DHRS12: variants seen among roughly 807,000 people sequenced by gnomAD.
The protein encoded by DHRS12 is dehydrogenase/reductase 12.
In DHRS12, 29 loss-of-function variants were observed where a neutral mutation model predicts 32.1. The ratio of observed to expected loss-of-function variants is 0.90; its 90% CI spans 0.67 to 1.23. The LOEUF is 1.23. Ranked by LOEUF, DHRS12 falls within the 50% of genes most tolerant of loss-of-function variation. The probability of loss-of-function intolerance (pLI) is 0.00; values close to 1 mark genes in which losing one functional copy is unlikely to be tolerated. For missense variants in DHRS12, 330 were observed against 337.2 expected (o/e 0.98, Z 0.17); for synonymous variants, 150 against 135.9 (o/e 1.10, Z -0.72).
At chr13:51,797,050 C>T (rs1955540045) in intron 2 of DHRS12, among the ~76,000 whole-genome samples, 1 of 152,142 alleles carries the variant, frequency 6.6e-6, no homozygotes, top group South Asian at 2.1e-4. Context: ...TGTGGGGTCT[C>T]CTAGAGAAGA....
At chr13:51,785,209 C>CA (rs767601384) in intron 4 of DHRS12, among the ~76,000 whole-genome samples, 99 of 152,204 alleles carry the variant, frequency 6.5e-4, no homozygotes, top group Non-Finnish European at 1.2e-3. Context: ...GCCTGGGTGA[C>CA]AGAGCGAGAC....
intron 1 of DHRS12, among the ~76,000 whole-genome samples, 178 bp from the exon 2 acceptor site, chr13:51,799,845 T>C (rs1004603797): frequency 1.3e-5 from 2 of 152,150 alleles, no homozygotes; most frequent in African/African-American, 4.8e-5. Flanking sequence ...TCTCGGGGCC[T>C]GCATTTCCTG....
intron 6 of DHRS12, chr13:51,773,146 T>C (rs1369340596): frequency 1.1e-6 from 1 of 876,446 alleles, no homozygotes; most frequent in Non-Finnish European, 1.4e-6. Context: ...GCATCCTTCA[T>C]CTGAAATGCT....
intron 7 of DHRS12, 59 bp from the exon 8 acceptor site, chr13:51,769,352 T>G: frequency 1.6e-6 from 2 of 1,282,214 alleles, no homozygotes; most frequent in East Asian, 2.9e-5. Flanking sequence ...TGTGGTTGAC[T>G]TCCCTTAATT....
downstream of DHRS12, chr13:51,763,927 G>A (rs1953667236): frequency 6.6e-6 from 1 of 152,216 alleles, no homozygotes; most frequent in Non-Finnish European, 1.5e-5. Context: ...CACTAAATGA[G>A]ATTCCTTTGG....
At chr13:51,755,430 T>C in the DHRS12 span, 1 of 1,614,070 alleles carries the variant, frequency 6.2e-7, no homozygotes. Context: ...CAAGCAAATG[T>C]GGGACAGTAA....
At chr13:51,787,934 T>TA (rs1955068485) in intron 4 of DHRS12, among the ~76,000 whole-genome samples, 1 of 20,246 alleles carries the variant, frequency 4.9e-5, no homozygotes, top group Non-Finnish European at 1.3e-4. Context: ...TATATACTTA[T>TA]ATATATAATT....
chr13:51,759,394 A>G, the DHRS12 span, among the ~76,000 whole-genome samples: 2 of 152,184 alleles, frequency 1.3e-5, no homozygotes, highest in African/African-American at 4.8e-5. Flanking sequence ...GGCTCATCGA[A>G]TGCTGCCTCA....
intron 7 of DHRS12, chr13:51,771,571 G>A (rs1021417242): frequency 5.3e-5 from 83 of 1,573,970 alleles, no homozygotes; most frequent in Admixed American, 3.0e-4. Context: ...CGCCCCAGGC[G>A]CACCTGCTCC....
In DHRS12 at chr13:51,804,146, C is replaced by G. The variant is rs1955888429; in HGVS notation, c.-101G>C. 2 of 1,445,728 alleles carry G rather than the reference C, an allele frequency of 1.4e-6. No individual in the cohort carries two copies. Among genetic ancestry groups the G allele is most frequent in the African/African-American group, 1.5e-5 (1 of 67,544 alleles). 89.6% of individuals were successfully genotyped at this position (1,445,728 alleles called of 1,614,324 possible). A position where few individuals can be genotyped will look rare whatever the true frequency, so the allele number is the denominator to read the frequency against. On this transcript the variant is annotated 5_prime_UTR_variant, in exon 1 of 9. Transcript: ENST00000444610. ...CCCACGCCTAGCCCCACCGCGCTCCCGGCGCGGCCTCCGCCCTGGTCCCGC... is the reference window on the plus strand; with the variant it reads ...CCCACGCCTAGCCCCACCGCGCTCCGGGCGCGGCCTCCGCCCTGGTCCCGC...
chr13:51,795,289 G>T (rs910654997), intron 2 of DHRS12, among the ~76,000 whole-genome samples: 3 of 152,196 alleles, frequency 2.0e-5, no homozygotes, highest in Non-Finnish European at 4.4e-5. Context: ...GCTACTGGGG[G>T]CTTGCAGGCT....
chr13:51,779,285 GC>G (rs1413880549), intron 4 of DHRS12, among the ~76,000 whole-genome samples: 1 of 152,146 alleles, frequency 6.6e-6, no homozygotes, highest in Non-Finnish European at 1.5e-5. Context: ...AAACTCCTCA[GC>G]CTGGTGCAGT....
Position 51,797,945 on chromosome 13 carries a change from C to T in DHRS12, c.126+1589G>A, listed in dbSNP as rs775877371. On this transcript the variant is annotated intron_variant, in intron 2 of 8. Transcript: ENST00000444610. The stretch of plus-strand genomic sequence containing the variant: ...CAATGAAACCATCTGTGAGTTACAG[C>T]GAGAGCTACAGAAACCAGCTCTTCC... 26 of 1,527,466 alleles carry T rather than the reference C, an allele frequency of 1.7e-5. No homozygotes were observed. The South Asian group carries it at 2.3e-4, about 13-fold the overall frequency. 94.6% of individuals were successfully genotyped at this position (1,527,466 alleles called of 1,614,324 possible). A position where few individuals can be genotyped will look rare whatever the true frequency, so the allele number is the denominator to read the frequency against.
chr13:51,794,252 G>A (rs549978141), intron 2 of DHRS12, among the ~76,000 whole-genome samples: 12 of 152,160 alleles, frequency 7.9e-5, no homozygotes, highest in Non-Finnish European at 1.6e-4. Context: ...ACTCAACTGG[G>A]ACCCTTTCTG....
At chr13:51,765,902 G>GAA (rs1380615484), downstream of DHRS12, 1 of 152,092 alleles carries the variant, frequency 6.6e-6, no homozygotes, top group East Asian at 1.9e-4. Flanking sequence ...GACTTTCTTG[G>GAA]AAGTGTCAAG....
intron 4 of DHRS12, among the ~76,000 whole-genome samples, chr13:51,778,681 C>T (rs1451086073): frequency 5.3e-5 from 8 of 152,054 alleles, no homozygotes; most frequent in Non-Finnish European, 2.9e-5. Flanking sequence ...CTCAGGATGG[C>T]GAGAGCTGGG....
intron 2 of DHRS12, among the ~76,000 whole-genome samples, chr13:51,794,986 C>T (rs1955450409): frequency 6.6e-6 from 1 of 152,058 alleles, no homozygotes; most frequent in Admixed American, 6.6e-5. Context: ...ACCAGTACTC[C>T]TTTCCCCAAG....
At position 51,782,112 on chromosome 13, in the gene DHRS12, T is replaced by C. The variant is rs550485466; in HGVS notation, c.302-4991A>G. On this transcript the variant is annotated intron_variant, in intron 4 of 8. Coordinates refer to ENST00000444610, the MANE Select transcript of DHRS12 (RefSeq NM_001377533.1). This position sits in a 1 kb window ranked among gnomAD's most constrained non-coding sequence, Gnocchi z 4.2. ...ACGGAGATGATGCTGGCCACTGGGGTGGGGCCCATTACAGGAGCAGACCGG... is the reference window on the plus strand; with the variant it reads ...ACGGAGATGATGCTGGCCACTGGGGCGGGGCCCATTACAGGAGCAGACCGG... 8.8e-4 allele frequency among the ~76,000 whole-genome samples: 134 copies of C among 151,998 alleles called. No individual in the cohort carries two copies. The highest frequency in any genetic ancestry group is 3.4e-3 in the Middle Eastern group (1 of 294).
the DHRS12 span, chr13:51,760,002 G>T: frequency 8.4e-6 from 4 of 475,048 alleles, no homozygotes; most frequent in Non-Finnish European, 1.1e-5. Flanking sequence ...TTAACAAATG[G>T]TTTATACAGT....
Sources: allele counts gnomAD v4.1 joint callset (sites outside exome capture counted in the v4.1 genomes callset), GRCh38; gene constraint gnomAD v4.1.1; non-coding constraint Gnocchi (gnomAD v3.1); transcripts MANE v1.5; gene names NCBI Gene and HGNC (gene_info 2026-07-23, HGNC 2026-07-21).